PSORS1C1: variants seen among roughly 807,000 people sequenced by gnomAD.
PSORS1C1 encodes the protein psoriasis susceptibility 1 candidate 1, also known as psoriasis susceptibility 1 candidate gene 1 protein.
PSORS1C1 carries 7 observed loss-of-function variants against 9.4 expected under a neutral mutation model. The observed-to-expected ratio is 0.75, with a 90% CI of 0.42 to 1.40. PSORS1C1 has a LOEUF of 1.40. Among genes scored for constraint, PSORS1C1 ranks in the 40% most tolerant of loss-of-function variants. The pLI is 0.01. For missense variants in PSORS1C1, 146 were observed against 178.1 expected, an observed-to-expected ratio of 0.82 and a Z score of 1.02; for synonymous variants, 63 against 69.4, an observed-to-expected ratio of 0.91 and a Z score of 0.46.
chr6:31,139,711 A>C lies in PSORS1C1; in HGVS notation c.238A>C (p.Lys80Gln). ...HLAATQDDCR[K>Q]GRTQEDILVP... ...GGCAGCCACCCAGGATGACTGCAGA[A>C]AAGGAAGGACACAGGAGGATATCCT... Residue 80 changes from lysine to glutamine, a missense_variant, in exon 6 of 6, where the codon AAA becomes CAA. Transcript: ENST00000259881. This position sits in a 1 kb window ranked among gnomAD's most constrained non-coding sequence, Gnocchi z 5.2. 1 of 1,613,080 alleles carries C rather than the reference A, an allele frequency of 6.2e-7. No homozygotes were observed. The highest frequency in any genetic ancestry group is 1.1e-5 in the South Asian group (1 of 91,080).
chr6:31,129,914 CCTTT>C (rs1403203630), intron 3 of PSORS1C1, among the ~76,000 whole-genome samples: 1 of 152,146 alleles, frequency 6.6e-6, no homozygotes, highest in East Asian at 1.9e-4. Context: ...TCCTTTCCCT[CCTTT>C]CTCTCTTCTT....
At chr6:31,138,345 GCTT>G in intron 3 of PSORS1C1, 82 bp from the exon 4 acceptor site, 6 of 1,605,882 alleles carry the variant, frequency 3.7e-6, no homozygotes, top group Non-Finnish European at 5.1e-6. Context: ...GGTGGTGAGG[GCTT>G]CTCTCCCCAG....
At chr6:31,129,670 T>A (rs1772822375) in intron 3 of PSORS1C1, 25 bp downstream of exon 3, 4 of 779,740 alleles carry the variant, frequency 5.1e-6, no homozygotes, top group Admixed American at 5.1e-5. Flanking sequence ...TCAGTGTTGG[T>A]TCCTCTTCTG....
At chr6:31,118,863 T>C (rs1772312025) in intron 1 of PSORS1C1, 1 of 144,396 alleles carries the variant, frequency 6.9e-6, no homozygotes, top group African/African-American at 2.6e-5. Context: ...TTTTTTTTTG[T>C]GAGATGGAGT....
chr6:31,117,468 G>T, intron 1 of PSORS1C1: 1 of 1,553,834 alleles, frequency 6.4e-7, no homozygotes, highest in Non-Finnish European at 8.7e-7. Context: ...CGTTAGGGGA[G>T]GTGATACGCG....
At chr6:31,137,783 A>G in intron 3 of PSORS1C1, 1 of 418,082 alleles carries the variant, frequency 2.4e-6, no homozygotes, top group Non-Finnish European at 4.2e-6. Context: ...TCAGGAGGGG[A>G]CAGGAAATAT....
At chr6:31,138,851 A>G in intron 5 of PSORS1C1, 72 bp downstream of exon 5, 1 of 1,608,180 alleles carries the variant, frequency 6.2e-7, no homozygotes, top group Non-Finnish European at 8.5e-7. Flanking sequence ...CTGGTGAGCC[A>G]GATGCACCTT....
intron 3 of PSORS1C1, among the ~76,000 whole-genome samples, chr6:31,130,906 C>G (rs1772883884): frequency 6.6e-6 from 1 of 151,640 alleles, no homozygotes; most frequent in Non-Finnish European, 1.5e-5. Flanking sequence ...GTTGCCCAGG[C>G]TGGCTTTGAC....
chr6:31,133,276 G>A (rs3823420), intron 3 of PSORS1C1, among the ~76,000 whole-genome samples: 16,144 of 151,122 alleles, frequency 0.11, 1,116 homozygotes, highest in African/African-American at 0.2. Context: ...GGTGAAGGGC[G>A]TTGGGGGTCG....
At chr6:31,134,005 G>A (rs980629852) in intron 3 of PSORS1C1, among the ~76,000 whole-genome samples, 7 of 152,230 alleles carry the variant, frequency 4.6e-5, no homozygotes, top group South Asian at 2.1e-4. Context: ...CTGAGATGGG[G>A]TCTTGCTCTG....
At chr6:31,135,586 G>A (rs930430722) in intron 3 of PSORS1C1, among the ~76,000 whole-genome samples, 5 of 152,308 alleles carry the variant, frequency 3.3e-5, no homozygotes, top group African/African-American at 1.2e-4. Flanking sequence ...CACTCTAAGT[G>A]TAGCAAATTG....
rs28383830 is a variant in PSORS1C1, at chr6:31,121,173, T to TGGG, written c.-228-4498_-228-4496dup. Among the ~76,000 whole-genome samples the TGGG allele has an allele frequency of 7.8e-3, 1,016 of 130,536 alleles. 5 individuals carry two copies. Among genetic ancestry groups the TGGG allele is most frequent in the Non-Finnish European group, 0.014 (799 of 56,844 alleles). The allele number at this position is 130,536 out of a possible 152,430, so 85.6% of individuals were successfully genotyped here. On this transcript the variant is annotated intron_variant, in intron 1 of 5. Coordinates refer to ENST00000259881, the MANE Select transcript of PSORS1C1 (RefSeq NM_014068.3). ...TCTGGGGACGGCATGGTGGCGGGGG[T>TGGG]GGGGGGGTGCTGGGAGCCAGGGCTC...
rs752667462 is a variant in PSORS1C1, at chr6:31,138,728, C to CG, written c.116_117insG (p.His40ProfsTer3). ...CCCAGCTCCGAGGAAACTCGTCCCC[C>CG]CCACGTTAATCCTGACCGACTTTGC... is the stretch of plus-strand genomic sequence containing the variant. On this transcript the variant is annotated frameshift_variant, in exon 5 of 6. Transcript: ENST00000259881. LOFTEE classifies it low-confidence loss of function (END_TRUNC). The CG allele has an allele frequency of 1.2e-6, 2 of 1,614,006 alleles. No individual in the cohort carries two copies. The highest frequency in any genetic ancestry group is 1.7e-6 in the Non-Finnish European group (2 of 1,180,000).
In PSORS1C1 at chr6:31,139,610, G is replaced by A. The variant is rs769982546; in HGVS notation, c.168-31G>A. ...ACTTCCCTTCCCCCATGGGATCCAG[G>A]CATCCTGCTCTCCACCATGTCCTTC... On this transcript the variant is annotated intron_variant, in intron 5 of 5. Transcript: ENST00000259881. This position sits in a 1 kb window ranked among gnomAD's most constrained non-coding sequence, Gnocchi z 5.2. 8 of 1,598,908 alleles carry A rather than the reference G, an allele frequency of 5.0e-6. No individual in the cohort carries two copies. Among genetic ancestry groups the A allele is most frequent in the Non-Finnish European group, 5.1e-6 (6 of 1,170,100 alleles).
intron 1 of PSORS1C1, among the ~76,000 whole-genome samples, chr6:31,121,010 C>A (rs1466504116): frequency 2.0e-5 from 3 of 151,894 alleles, no homozygotes; most frequent in African/African-American, 7.3e-5. Context: ...CCCCCAGGCT[C>A]CCCCTCCCAC....
rs574490349 is a variant in PSORS1C1, at chr6:31,137,249, G to A, written c.14-1181G>A. Among the ~76,000 whole-genome samples, 190 of 152,320 alleles carry A rather than the reference G, an allele frequency of 1.2e-3. 1 individual carries two copies. Among genetic ancestry groups the A allele is most frequent in the Middle Eastern group, 0.01 (3 of 294 alleles). The stretch of plus-strand genomic sequence containing the variant: ...AGGCGGGCAGATCACGAGGTCAGGA[G>A]ATCGAGACCACTCTGGCTAACACGG... On this transcript the variant is annotated intron_variant, in intron 3 of 5. Transcript: ENST00000259881.
chr6:31,139,415 G>A lies in PSORS1C1; in HGVS notation c.168-226G>A. On this transcript the variant is annotated intron_variant, in intron 5 of 5. Transcript: ENST00000259881. The surrounding 1 kb of genome is among the most constrained non-coding windows in gnomAD (Gnocchi z 5.2). ...AAAGAATGGGAGCAAACCACGCGAT[G>A]GGCGTTGGGAAGCACCGTAATTACA... The A allele has an allele frequency of 1.7e-6, 1 of 595,278 alleles. No individual in the cohort carries two copies. The highest frequency in any genetic ancestry group is 1.9e-5 in the African/African-American group (1 of 53,928). 36.9% of individuals were successfully genotyped at this position (595,278 alleles called of 1,614,324 possible).
chr6:31,134,592 A>T (rs991577464), intron 3 of PSORS1C1, among the ~76,000 whole-genome samples: 2 of 152,174 alleles, frequency 1.3e-5, no homozygotes, highest in Non-Finnish European at 2.9e-5. Context: ...GGCGTGAGCC[A>T]CCGCGCCTGG....
At chr6:31,123,521 C>T (rs188321245) in intron 1 of PSORS1C1, among the ~76,000 whole-genome samples, 33 of 152,352 alleles carry the variant, frequency 2.2e-4, no homozygotes, top group East Asian at 7.7e-4. Flanking sequence ...CTGTGTTCTA[C>T]AGCAACAGAT....
Sources: allele counts gnomAD v4.1 joint callset (sites outside exome capture counted in the v4.1 genomes callset), GRCh38; gene constraint gnomAD v4.1.1; non-coding constraint Gnocchi (gnomAD v3.1); transcripts MANE v1.5; gene names NCBI Gene and HGNC (gene_info 2026-07-23, HGNC 2026-07-21).